The following SLCO1B1 variants were observed in gnomAD, a reference collection of about 807,000 sequenced individuals.
SLCO1B1 encodes the protein solute carrier organic anion transporter family member 1B1.
In SLCO1B1, 81 loss-of-function variants were observed where a neutral mutation model predicts 70.1. That is an observed-to-expected ratio of 1.16 (90% confidence interval 0.97 to 1.39). SLCO1B1 has a LOEUF of 1.39. SLCO1B1 is among the 40% of genes most tolerant of loss of function. SLCO1B1 has a pLI of 0.00. For synonymous variants in SLCO1B1, 283 were observed against 271.5 expected (o/e 1.04, Z -0.42); for missense variants, 895 against 799.6 (o/e 1.12, Z -1.44).
intron 5 of SLCO1B1, 55 bp downstream of exon 5, chr12:21,176,952 A>G (rs1325975041): frequency 1.5e-6 from 2 of 1,326,696 alleles, no homozygotes; most frequent in East Asian, 2.3e-5. Context: ...ATTTAATTAC[A>G]TCTCTAAAAA....
chr12:21,219,554 C>T (rs1941398723), intron 12 of SLCO1B1, among the ~76,000 whole-genome samples: 1 of 152,100 alleles, frequency 6.6e-6, no homozygotes, highest in African/African-American at 2.4e-5. Flanking sequence ...TGCAAAGATG[C>T]CTTACATAAC....
chr12:21,157,134 T>C (rs1940553704), intron 2 of SLCO1B1, among the ~76,000 whole-genome samples: 2 of 152,150 alleles, frequency 1.3e-5, no homozygotes, highest in South Asian at 4.1e-4. Flanking sequence ...TGTGTAACTT[T>C]TTCATCTTTA....
chr12:21,134,318 G>A (rs1169396517), intron 1 of SLCO1B1, among the ~76,000 whole-genome samples: 5 of 152,132 alleles, frequency 3.3e-5, no homozygotes, highest in Non-Finnish European at 7.4e-5. Flanking sequence ...TCTCTGCCAG[G>A]CTTTGGTATC....
intron 7 of SLCO1B1, among the ~76,000 whole-genome samples, chr12:21,180,811 G>A (rs11045823): frequency 0.11 from 16,495 of 152,138 alleles, 1,192 homozygotes; most frequent in Non-Finnish European, 0.16. Context: ...ACAGAAATAC[G>A]TGGTAAATGT....
chr12:21,171,316 A>G (rs1015234152), intron 2 of SLCO1B1, among the ~76,000 whole-genome samples: 6 of 152,210 alleles, frequency 3.9e-5, no homozygotes, highest in Non-Finnish European at 2.9e-5. Flanking sequence ...ATGTAGCTGG[A>G]GAGGAATGAC....
In SLCO1B1 at chr12:21,178,668, G is replaced by C; in HGVS notation, c.574G>C (p.Gly192Arg). Residue 192 changes from glycine (G) to arginine (R), a missense_variant, in exon 6 of 15, where the codon GGG becomes CGG. Coordinates refer to ENST00000256958, the MANE Select transcript of SLCO1B1 (RefSeq NM_006446.5). Reference sequence around the variant, plus strand: ...AGGGGAGACTCCCATAGTACCATTGGGGCTTTCTTACATTGATGATTTCGC... The same window carrying C: ...AGGGGAGACTCCCATAGTACCATTGCGGCTTTCTTACATTGATGATTTCGC... ...GIGETPIVPL[G>R]LSYIDDFAKE... The C allele has an allele frequency of 6.2e-7, 1 of 1,606,970 alleles. No individual in the cohort carries two copies. Among genetic ancestry groups the C allele is most frequent in the Middle Eastern group, 1.7e-4 (1 of 6,030 alleles).
Position 21,192,153 on chromosome 12 carries a change from C to G in SLCO1B1, c.728-4793C>G, listed in dbSNP as rs543988261. Among the ~76,000 whole-genome samples the G allele has an allele frequency of 6.6e-5, 10 of 152,022 alleles. No homozygotes were observed. In the East Asian group the frequency reaches 1.9e-3, roughly 29 times the overall value. ...AATTAGTTTGAAGATGTTCTCTTCT[C>G]TTCAATTTTTGGCAAGAGATTGGAA... On this transcript the variant is annotated intron_variant, in intron 7 of 14. Transcript: ENST00000256958.
chr12:21,173,782 T>C (rs1022442388), intron 3 of SLCO1B1, among the ~76,000 whole-genome samples: 1 of 148,876 alleles, frequency 6.7e-6, no homozygotes, highest in Admixed American at 6.6e-5. Flanking sequence ...TTTTTTTTTT[T>C]TTTTTTTTGA....
At chr12:21,137,639 G>C (rs546651283) in intron 1 of SLCO1B1, among the ~76,000 whole-genome samples, 1 of 152,316 alleles carries the variant, frequency 6.6e-6, no homozygotes, top group Middle Eastern at 3.4e-3. Flanking sequence ...CTCCAAGCCA[G>C]GTGCAGGATA....
rs143064642 is a variant in SLCO1B1, at chr12:21,230,185, G to A, written c.1865+5346G>A. Among the ~76,000 whole-genome samples the A allele has an allele frequency of 7.8e-3, 1,182 of 152,206 alleles. 14 individuals carry two copies. Among genetic ancestry groups the A allele is most frequent in the African/African-American group, 0.027 (1,104 of 41,550 alleles). On this transcript the variant is annotated intron_variant, in intron 14 of 14. Transcript: ENST00000256958. ...TGAACTGTAAGAATTCATTTTGAATGTTGAACCAGTCTTGGAAACCTGAGG... is the reference window on the plus strand; with the variant it reads ...TGAACTGTAAGAATTCATTTTGAATATTGAACCAGTCTTGGAAACCTGAGG...
At chr12:21,159,445 A>G (rs1434610688) in intron 2 of SLCO1B1, among the ~76,000 whole-genome samples, 4 of 152,176 alleles carry the variant, frequency 2.6e-5, no homozygotes, top group Non-Finnish European at 5.9e-5. Context: ...GAAAATACCT[A>G]TGACTTTGCA....
intron 7 of SLCO1B1, among the ~76,000 whole-genome samples, chr12:21,194,126 C>A (rs897939035): frequency 4.6e-5 from 7 of 150,832 alleles, no homozygotes; most frequent in Admixed American, 6.6e-5. Flanking sequence ...TCCACAGATC[C>A]CCTAGGGTAT....
intron 2 of SLCO1B1, among the ~76,000 whole-genome samples, chr12:21,157,742 C>T (rs1459416584): frequency 1.3e-5 from 2 of 151,786 alleles, no homozygotes; most frequent in African/African-American, 2.4e-5. Flanking sequence ...GCTGGGACTA[C>T]AGGCGCCCAC....
At chr12:21,185,393 ATT>A (rs1940952175) in intron 7 of SLCO1B1, among the ~76,000 whole-genome samples, 1 of 152,100 alleles carries the variant, frequency 6.6e-6, no homozygotes, top group South Asian at 2.1e-4. Flanking sequence ...AAATTAAAAG[ATT>A]TTGAGTACAT....
chr12:21,172,695 G>C lies in SLCO1B1; in HGVS notation c.130G>C (p.Gly44Arg), dbSNP rs1247637793. 2 of 1,613,590 alleles carry C rather than the reference G, an allele frequency of 1.2e-6. No individual in the cohort carries two copies. The highest frequency in any genetic ancestry group is 2.7e-5 in the African/African-American group (2 of 74,902). Residue 44 changes from glycine (G) to arginine (R), a missense_variant, in exon 3 of 15, where the codon GGT (glycine) becomes CGT (arginine). Coordinates refer to ENST00000256958, the MANE Select transcript of SLCO1B1 (RefSeq NM_006446.5). ...LSLSFIAKTL[G>R]AIIMKSSIIH... is the part of the protein sequence containing the mutation. ...ACTCAGCTTTATTGCTAAGACACTA[G>C]GTGCAATTATTATGAAAAGTTCCAT...
rs550171105 is a variant in SLCO1B1, at chr12:21,203,109, G to A, written c.1331+423G>A. ...ATGGATCATAAGAGTTACATAAATGGCATTAGCCAAAAGTGACTAAACAAC... is the reference window on the plus strand; with the variant it reads ...ATGGATCATAAGAGTTACATAAATGACATTAGCCAAAAGTGACTAAACAAC... On this transcript the variant is annotated intron_variant, in intron 10 of 14. Transcript: ENST00000256958. Among the ~76,000 whole-genome samples, 13 of 152,078 alleles carry A rather than the reference G, an allele frequency of 8.5e-5. No individual in the cohort carries two copies. In the East Asian group the frequency reaches 2.3e-3, roughly 27 times the overall value.
intron 11 of SLCO1B1, among the ~76,000 whole-genome samples, chr12:21,215,066 A>G (rs1450739247): frequency 6.6e-6 from 1 of 152,176 alleles, no homozygotes; most frequent in South Asian, 2.1e-4. Flanking sequence ...AGCTGTTCCT[A>G]TTCGGCCATC....
intron 14 of SLCO1B1, among the ~76,000 whole-genome samples, chr12:21,238,729 G>A (rs890632889): frequency 1.3e-5 from 2 of 151,978 alleles, no homozygotes; most frequent in African/African-American, 4.8e-5. Context: ...AACAGGGCTT[G>A]AGTTGTATAT....
chr12:21,157,158 C>A (rs1018469734), intron 2 of SLCO1B1, among the ~76,000 whole-genome samples: 2 of 151,916 alleles, frequency 1.3e-5, no homozygotes, highest in Non-Finnish European at 2.9e-5. Context: ...GGTTAGCAAG[C>A]AAAAACAAAC....
Sources: gnomAD v4.1 joint callset for allele counts (sites outside exome capture counted in the v4.1 genomes callset) on GRCh38, gnomAD v4.1.1 for gene constraint, MANE v1.5 for transcripts, NCBI Gene and HGNC (gene_info 2026-07-23, HGNC 2026-07-21) for gene names.